The following STON2 variants were observed in gnomAD, a reference collection of about 807,000 sequenced individuals.
STON2 encodes stonin-2.
A neutral mutation model predicts 65.7 loss-of-function variants in STON2; 29 were observed. That is an observed-to-expected ratio of 0.44 (90% CI 0.33 to 0.60). STON2 has a LOEUF of 0.60. Among genes scored for constraint, STON2 ranks in the 20% least tolerant of loss-of-function variants. The probability of loss-of-function intolerance (pLI) is 0.03; values close to 1 mark genes in which losing one functional copy is unlikely to be tolerated. For synonymous variants in STON2, 404 were observed against 414.2 expected, an observed-to-expected ratio of 0.98 and a Z score of 0.30; for missense variants, 1,054 against 1,118.1, an observed-to-expected ratio of 0.94 and a Z score of 0.82.
In STON2 at chr14:81,262,656, T is replaced by G. The variant is rs1433684343; in HGVS notation, c.*5758A>C. 1 of 985,288 alleles carries G rather than the reference T, an allele frequency of 1.0e-6. No individual in the cohort carries two copies. Among genetic ancestry groups the G allele is most frequent in the Non-Finnish European group, 1.2e-6 (1 of 829,932 alleles). 61.0% of individuals were successfully genotyped at this position (985,288 alleles called of 1,614,324 possible). ...GCACTACCAAACTCATTACTGTGGA[T>G]AGTTTCTGCCTTTACAGGCTTAGAA... On this transcript the variant is annotated 3_prime_UTR_variant, in exon 8 of 8. Transcript: ENST00000614646.
At chr14:81,355,336 G>C (rs1451596662) in intron 4 of STON2, among the ~76,000 whole-genome samples, 2 of 152,084 alleles carry the variant, frequency 1.3e-5, no homozygotes, top group South Asian at 4.2e-4. Context: ...CGTTCACAAA[G>C]ACACATAATT....
intron 2 of STON2, among the ~76,000 whole-genome samples, chr14:81,426,943 G>A (rs1269424173): frequency 6.6e-6 from 1 of 152,144 alleles, no homozygotes; most frequent in East Asian, 1.9e-4. Flanking sequence ...TGTGCTATTT[G>A]ATAAACACTT....
intron 2 of STON2, 31 bp from the exon 3 acceptor site, chr14:81,396,209 T>G: frequency 6.4e-7 from 1 of 1,564,934 alleles, no homozygotes; most frequent in Non-Finnish European, 8.6e-7. Context: ...CACCATCATG[T>G]GAGGAAGGCC....
At chr14:81,391,253 T>A (rs954501934) in intron 3 of STON2, among the ~76,000 whole-genome samples, 1 of 152,262 alleles carries the variant, frequency 6.6e-6, no homozygotes, top group African/African-American at 2.4e-5. Flanking sequence ...AGTCTCACAC[T>A]GTCTCTACTT....
upstream of STON2, among the ~76,000 whole-genome samples, chr14:81,404,093 T>C (rs1430905394): frequency 6.6e-6 from 1 of 152,252 alleles, no homozygotes; most frequent in Non-Finnish European, 1.5e-5. Flanking sequence ...AGGTAGCCTC[T>C]TCAGCTCTTT....
At chr14:81,394,036 C>T (rs1013898251) in intron 3 of STON2, among the ~76,000 whole-genome samples, 5 of 152,044 alleles carry the variant, frequency 3.3e-5, no homozygotes, top group African/African-American at 1.2e-4. Context: ...ACTAAAAATA[C>T]AAAAATTAGC....
intron 1 of STON2, among the ~76,000 whole-genome samples, chr14:81,431,297 T>C (rs942546014): frequency 2.6e-5 from 4 of 152,204 alleles, no homozygotes; most frequent in Non-Finnish European, 5.9e-5. Flanking sequence ...ACTCACTTCA[T>C]TTTATAATAT....
chr14:81,427,980 A>T (rs990854667), intron 1 of STON2, among the ~76,000 whole-genome samples: 1 of 152,180 alleles, frequency 6.6e-6, no homozygotes, highest in Non-Finnish European at 1.5e-5. Flanking sequence ...TTGACAAAGT[A>T]CTTAGCTCCA....
At chr14:81,347,059 A>G (rs1269441724) in intron 4 of STON2, among the ~76,000 whole-genome samples, 2 of 152,088 alleles carry the variant, frequency 1.3e-5, no homozygotes, top group Non-Finnish European at 2.9e-5. Context: ...ATAAGAAAAG[A>G]TTAGAGCATA....
At chr14:81,414,717 G>A (rs988670775) in intron 2 of STON2, among the ~76,000 whole-genome samples, 2 of 152,040 alleles carry the variant, frequency 1.3e-5, no homozygotes, top group African/African-American at 4.8e-5. Flanking sequence ...GGAGGAGAAG[G>A]TACCAGGAAT....
chr14:81,293,713 A>G (rs1017780068), intron 5 of STON2, among the ~76,000 whole-genome samples: 1 of 152,178 alleles, frequency 6.6e-6, no homozygotes, highest in African/African-American at 2.4e-5. Context: ...CTCCAAGACC[A>G]TAATGTGAGT....
At chr14:81,372,228 T>A (rs1017237066) in intron 3 of STON2, among the ~76,000 whole-genome samples, 2 of 152,150 alleles carry the variant, frequency 1.3e-5, no homozygotes, top group Admixed American at 1.3e-4. Flanking sequence ...TAATTTCCTA[T>A]CACATGCTGC....
chr14:81,418,222 C>T (rs1901534794), intron 2 of STON2: 1 of 152,794 alleles, frequency 6.5e-6, no homozygotes, highest in South Asian at 2.1e-4. Flanking sequence ...GAGCAAGTCA[C>T]ATCTTACATG....
At chr14:81,432,857 C>T (rs536493324) in intron 1 of STON2, among the ~76,000 whole-genome samples, 1 of 152,242 alleles carries the variant, frequency 6.6e-6, no homozygotes, top group African/African-American at 2.4e-5. Context: ...AATGCTGAGA[C>T]CTTCCAGCCC....
At position 81,270,455 on chromosome 14, in the gene STON2, CTTTA is replaced by C. The variant is rs878950883; in HGVS notation, c.2784+211_2784+214del. ...TTATATTCTCCTCTTTGATGAGCCT[CTTTA>C]TTTTTTTCCAACCTTTCTCTCATCC... On this transcript the variant is annotated intron_variant, in intron 7 of 7. Transcript: ENST00000614646. 8.3e-5 allele frequency: 122 copies of C among 1,475,012 alleles called. 1 individual carries two copies. The South Asian group carries it at 1.6e-3, about 20-fold the overall frequency. The allele number at this position is 1,475,012 out of a possible 1,614,324, so 91.4% of individuals were successfully genotyped here.
intron 5 of STON2, among the ~76,000 whole-genome samples, chr14:81,288,980 T>C: frequency 6.6e-6 from 1 of 152,034 alleles, no homozygotes; most frequent in Non-Finnish European, 1.5e-5. Flanking sequence ...CCAGGACAGG[T>C]GACTCATTAG....
intron 5 of STON2, among the ~76,000 whole-genome samples, chr14:81,290,504 G>A (rs944272516): frequency 1.3e-5 from 2 of 152,082 alleles, no homozygotes; most frequent in Non-Finnish European, 2.9e-5. Context: ...GTATCACATC[G>A]ATCTTCTGTT....
chr14:81,396,749 A>C (rs1900343724), intron 2 of STON2, among the ~76,000 whole-genome samples: 1 of 133,314 alleles, frequency 7.5e-6, no homozygotes, highest in South Asian at 2.7e-4. Flanking sequence ...AGCCTTCAAA[A>C]ATTTTTTTTT....
chr14:81,426,906 T>A (rs890775905), intron 2 of STON2, among the ~76,000 whole-genome samples: 2 of 152,318 alleles, frequency 1.3e-5, no homozygotes, highest in East Asian at 3.9e-4. Context: ...CTACAAATCA[T>A]GATGTTCACC....
Sources: allele counts gnomAD v4.1 joint callset (sites outside exome capture counted in the v4.1 genomes callset), GRCh38; gene constraint gnomAD v4.1.1; transcripts MANE v1.5; gene names NCBI Gene and HGNC (gene_info 2026-07-23, HGNC 2026-07-21).